Variants in MBD2 observed in about 807,000 individuals in gnomAD.
MBD2 encodes the protein methyl-CpG binding domain protein 2.
Under a neutral mutation model 39.3 loss-of-function variants are expected in MBD2, and 9 were observed. The observed-to-expected ratio is 0.23, with a 90% CI of 0.14 to 0.40. The LOEUF is 0.40. Ranked by LOEUF, MBD2 falls within the 10% of genes least tolerant of loss-of-function variation. MBD2 has a pLI of 1.00. For synonymous variants in MBD2, 233 were observed against 211.1 expected (o/e 1.10, Z -0.90); for missense variants, 458 against 532.6 (o/e 0.86, Z 1.38).
rs113923566 is a variant in MBD2 at position 54,159,711 on chromosome 18, C to A, written c.*12+54G>T. The stretch of plus-strand genomic sequence containing the variant: ...GGATTACAGGCAGAAGCACTATGTC[C>A]GGCCAAGAAAACACACCTTAAGTTC... On this transcript the variant is annotated intron_variant, in intron 6 of 6. Coordinates refer to ENST00000256429, the MANE Select transcript of MBD2 (RefSeq NM_003927.5). The A allele has an allele frequency of 3.8e-6, 6 of 1,580,964 alleles. No individual in the cohort carries two copies. The Admixed American group carries it at 8.4e-5, about 22-fold the overall frequency.
At chr18:54,204,886 A>T (rs894734838) in intron 2 of MBD2, 112 bp downstream of exon 2, 9 of 951,902 alleles carry the variant, frequency 9.5e-6, no homozygotes, top group Non-Finnish European at 1.5e-5. Flanking sequence ...GGGTATGGGG[A>T]CATGCACGGG....
intron 1 of MBD2, among the ~76,000 whole-genome samples, chr18:54,212,162 T>C (rs2086513574): frequency 6.6e-6 from 1 of 152,136 alleles, no homozygotes. Flanking sequence ...TTCTGAATAG[T>C]CTAAATGGCT....
intron 2 of MBD2, among the ~76,000 whole-genome samples, chr18:54,197,159 C>T (rs1308070481): frequency 6.6e-6 from 1 of 152,228 alleles, no homozygotes; most frequent in African/African-American, 2.4e-5. Context: ...TAAACCAGCA[C>T]TGTCCAAGTC....
intron 3 of MBD2, among the ~76,000 whole-genome samples, chr18:54,184,351 G>C (rs2086269892): frequency 6.6e-6 from 1 of 152,064 alleles, no homozygotes; most frequent in South Asian, 2.1e-4. Flanking sequence ...AGGAATCTAG[G>C]TTGCATGCTC....
intron 1 of MBD2, among the ~76,000 whole-genome samples, chr18:54,208,053 AAAAC>A (rs2086466081): frequency 6.6e-6 from 1 of 151,892 alleles, no homozygotes; most frequent in South Asian, 2.1e-4. Flanking sequence ...ACAACAACAA[AAAAC>A]AACAACAACA....
In MBD2 at chr18:54,184,178, T is replaced by A. The variant is rs191369855; in HGVS notation, c.840+4696A>T. ...AATACTCAAAGCTATAGAAAAAGAG[T>A]CCCCAACCCCCAGGCCACAGACGGG... On this transcript the variant is annotated intron_variant, in intron 3 of 6. Transcript: ENST00000256429. Among the ~76,000 whole-genome samples, 46 of 150,766 alleles carry A rather than the reference T, an allele frequency of 3.1e-4. No individual in the cohort carries two copies. The East Asian group carries it at 8.2e-3, about 27-fold the overall frequency.
chr18:54,163,969 G>A (rs931561041), intron 5 of MBD2, among the ~76,000 whole-genome samples: 5 of 152,024 alleles, frequency 3.3e-5, no homozygotes, highest in Non-Finnish European at 7.4e-5. Context: ...CTGGAGCCTC[G>A]ACCTCCCATG....
rs540960305 is a variant in MBD2 at position 54,194,822 on chromosome 18, A to C, written c.703-5811T>G. ...AGTGAACCATCAAAAAAATTTAACAATCAGTCAACATCTACATAAAGTCCT... is the reference window on the plus strand; with the variant it reads ...AGTGAACCATCAAAAAAATTTAACACTCAGTCAACATCTACATAAAGTCCT... On this transcript the variant is annotated intron_variant, in intron 2 of 6. Coordinates refer to ENST00000256429, the MANE Select transcript of MBD2 (RefSeq NM_003927.5). Among the ~76,000 whole-genome samples the C allele has an allele frequency of 2.0e-5, 3 of 152,222 alleles. No homozygotes were observed. The East Asian group carries it at 5.8e-4, about 29-fold the overall frequency.
At chr18:54,188,761 T>A in intron 3 of MBD2, 113 bp downstream of exon 3, 1 of 1,152,532 alleles carries the variant, frequency 8.7e-7, no homozygotes. Context: ...GGACATAAAA[T>A]AATTTTCTTT....
At chr18:54,191,039 C>T (rs761124461) in intron 2 of MBD2, among the ~76,000 whole-genome samples, 5 of 152,140 alleles carry the variant, frequency 3.3e-5, no homozygotes, top group East Asian at 1.9e-4. Context: ...AAACAAAATA[C>T]GTCTGATATA....
chr18:54,170,213 T>A (rs1377882888), intron 3 of MBD2, among the ~76,000 whole-genome samples: 2 of 152,212 alleles, frequency 1.3e-5, no homozygotes, highest in Non-Finnish European at 2.9e-5. Flanking sequence ...CCACTTAGTG[T>A]CCCAAAGAAC....
chr18:54,163,962 G>C (rs1349962842), intron 5 of MBD2, among the ~76,000 whole-genome samples: 2 of 152,086 alleles, frequency 1.3e-5, no homozygotes, highest in African/African-American at 4.8e-5. Flanking sequence ...CAGCTCACTG[G>C]AGCCTCGACC....
At chr18:54,184,514 C>T (rs930800129) in intron 3 of MBD2, among the ~76,000 whole-genome samples, 4 of 152,126 alleles carry the variant, frequency 2.6e-5, no homozygotes, top group Non-Finnish European at 5.9e-5. Flanking sequence ...AGAAGGTAAG[C>T]TGAAACTGGA....
At chr18:54,174,105 G>C (rs1392928233) in intron 3 of MBD2, among the ~76,000 whole-genome samples, 1 of 152,150 alleles carries the variant, frequency 6.6e-6, no homozygotes, top group Non-Finnish European at 1.5e-5. Context: ...TCTCAGTCTT[G>C]GCATTCTTGA....
Position 54,188,878 on chromosome 18 carries a change from C to A in MBD2, c.836G>T (p.Arg279Leu). ...GAGAACGAATTAGATCCTTACCTGA[C>A]GTGGCTGTTCATTCATTCGTTGTGG... ...SDPQRMNEQP[R>L]QLFWEKRLQG... The change falls in exon 3 of 7, where the codon CGT becomes CTT. Residue 279 changes from arginine to leucine, a missense_variant. Coordinates refer to ENST00000256429, the MANE Select transcript of MBD2 (RefSeq NM_003927.5). The A allele has an allele frequency of 6.2e-7, 1 of 1,606,926 alleles. No individual in the cohort carries two copies. Among genetic ancestry groups the A allele is most frequent in the East Asian group, 2.2e-5 (1 of 44,746 alleles).
chr18:54,197,173 A>T (rs2086373271), intron 2 of MBD2, among the ~76,000 whole-genome samples: 1 of 152,186 alleles, frequency 6.6e-6, no homozygotes. Context: ...CCAAGTCATC[A>T]TCATCCCCAC....
intron 3 of MBD2, among the ~76,000 whole-genome samples, chr18:54,177,827 C>CTTTTTTTTTTTTTTTTTT (rs34113185): frequency 1.1e-5 from 1 of 87,198 alleles, no homozygotes; most frequent in Admixed American, 1.7e-4. Flanking sequence ...TTTTTCCTCT[C>CTTTTTTTTTTTTTTTTTT]TTTTTTTTTT....
chr18:54,162,755 A>G (rs375777579), intron 5 of MBD2, among the ~76,000 whole-genome samples: 8 of 152,334 alleles, frequency 5.3e-5, no homozygotes, highest in East Asian at 1.9e-4. Flanking sequence ...GATTCCTTTC[A>G]TTGATTTTAC....
chr18:54,191,671 G>GT (rs1233006022), intron 2 of MBD2, among the ~76,000 whole-genome samples: 1 of 152,200 alleles, frequency 6.6e-6, no homozygotes, highest in Non-Finnish European at 1.5e-5. Context: ...GCCTAGAAAT[G>GT]TAAGCCTCAC....
Sources: allele counts gnomAD v4.1 joint callset (sites outside exome capture counted in the v4.1 genomes callset), GRCh38; gene constraint gnomAD v4.1.1; transcripts MANE v1.5; gene names NCBI Gene and HGNC (gene_info 2026-07-23, HGNC 2026-07-21).